The following WWOX variants were observed in gnomAD, a reference collection of about 807,000 sequenced individuals.
WWOX encodes the protein WW domain-containing oxidoreductase.
Under a neutral mutation model 46.2 loss-of-function variants are expected in WWOX, and 69 were observed. The ratio of observed to expected loss-of-function variants is 1.49; its 90% confidence interval spans 1.23 to 1.82. The LOEUF is 1.82. WWOX is among the 40% of genes most tolerant of loss of function. The pLI, the probability that WWOX is intolerant of heterozygous loss-of-function variation, is 0.00. For missense variants in WWOX, 919 were observed against 542.6 expected (o/e 1.69, Z -6.89); for synonymous variants, 359 against 202.6 (o/e 1.77, Z -6.56).
At chr16:78,560,169 T>A (rs1440105476) in intron 8 of WWOX, among the ~76,000 whole-genome samples, 1 of 152,238 alleles carries the variant, frequency 6.6e-6, no homozygotes, top group Non-Finnish European at 1.5e-5. Context: ...TTTCTCCAGC[T>A]AGTAGCTCAG....
At chr16:78,897,269 A>C (rs2044725480) in intron 8 of WWOX, 2 of 137,470 alleles carry the variant, frequency 1.5e-5, no homozygotes, top group African/African-American at 2.7e-5. Flanking sequence ...AAAAAAAACC[A>C]AAAAAACAAA....
rs552713051 is a variant in WWOX, at chr16:78,454,079, T to C, written c.1056+21327T>C. 2.6e-5 allele frequency among the ~76,000 whole-genome samples: 4 copies of C among 152,304 alleles called. No homozygotes were observed. The East Asian group carries it at 5.8e-4, about 22-fold the overall frequency. ...AAATCAGTATTTATTTATTAACTAA[T>C]ACCCAAGAAATTCCCCAGCAAGCCT... On this transcript the variant is annotated intron_variant, in intron 8 of 8. Transcript: ENST00000566780.
At chr16:78,694,976 A>G (rs1468119984) in intron 8 of WWOX, among the ~76,000 whole-genome samples, 5 of 152,206 alleles carry the variant, frequency 3.3e-5, no homozygotes, top group Admixed American at 3.3e-4. Flanking sequence ...TAGAAGCCCC[A>G]GTCTATTCCA....
intron 5 of WWOX, among the ~76,000 whole-genome samples, chr16:78,384,825 C>T (rs1011202349): frequency 6.6e-6 from 1 of 152,172 alleles, no homozygotes; most frequent in Non-Finnish European, 1.5e-5. Context: ...TCATCACTTT[C>T]TACCACCTTT....
intron 8 of WWOX, among the ~76,000 whole-genome samples, chr16:78,816,999 G>A (rs543664045): frequency 6.6e-6 from 1 of 152,008 alleles, no homozygotes; most frequent in East Asian, 1.9e-4. Context: ...AACCAGTCCT[G>A]ACTTGGCTTG....
chr16:79,212,170 C>T lies in WWOX; in HGVS notation c.*374C>T. ...TCCCATCCAGCTACCACCACGGCCA[C>T]CACTGCAGCCGGGGGCTGGCCTTCT... On this transcript the variant is annotated 3_prime_UTR_variant, in exon 9 of 9. Coordinates refer to ENST00000566780, the MANE Select transcript of WWOX (RefSeq NM_016373.4). The T allele has an allele frequency of 2.7e-6, 4 of 1,482,104 alleles. No individual in the cohort carries two copies. The highest frequency in any genetic ancestry group is 3.6e-6 in the Non-Finnish European group (4 of 1,125,278). The allele number at this position is 1,482,104 out of a possible 1,614,324, so 91.8% of individuals were successfully genotyped here.
At chr16:78,837,933 A>T (rs1028283820) in intron 8 of WWOX, among the ~76,000 whole-genome samples, 3 of 152,196 alleles carry the variant, frequency 2.0e-5, no homozygotes, top group African/African-American at 7.2e-5. Context: ...TACCTGCTCA[A>T]GGGCACAGAA....
intron 8 of WWOX, among the ~76,000 whole-genome samples, chr16:78,665,683 A>G (rs377248665): frequency 1.5e-3 from 222 of 152,118 alleles, no homozygotes; most frequent in African/African-American, 5.1e-3. Context: ...GGAAACATTA[A>G]TTGTGCTTCT....
At chr16:78,459,001 C>T (rs1434483681) in intron 8 of WWOX, among the ~76,000 whole-genome samples, 3 of 152,138 alleles carry the variant, frequency 2.0e-5, no homozygotes, top group Admixed American at 2.0e-4. Context: ...GCTAGTTGGT[C>T]CTATTAATTA....
At chr16:78,928,982 A>C (rs2045561801) in intron 8 of WWOX, among the ~76,000 whole-genome samples, 2 of 152,248 alleles carry the variant, frequency 1.3e-5, no homozygotes, top group African/African-American at 2.4e-5. Flanking sequence ...CATGCATATA[A>C]ATGTACATTT....
chr16:78,530,063 A>G (rs1230279896), intron 8 of WWOX, among the ~76,000 whole-genome samples: 1 of 151,908 alleles, frequency 6.6e-6, no homozygotes, highest in African/African-American at 2.4e-5. Flanking sequence ...CCTGCACTCC[A>G]CCCCTTCTGG....
chr16:78,204,886 C>T (rs182506040), intron 5 of WWOX, among the ~76,000 whole-genome samples: 1 of 152,286 alleles, frequency 6.6e-6, no homozygotes, highest in East Asian at 1.9e-4. Flanking sequence ...TAAATTTAGA[C>T]CACCATATTT....
At chr16:78,646,279 G>T (rs9927291) in intron 8 of WWOX, among the ~76,000 whole-genome samples, 2 of 151,954 alleles carry the variant, frequency 1.3e-5, no homozygotes, top group Non-Finnish European at 2.9e-5. Context: ...TTCCCAAAGT[G>T]CTGGGATTAT....
At chr16:78,910,182 G>A (rs1265510938) in intron 8 of WWOX, among the ~76,000 whole-genome samples, 1 of 152,082 alleles carries the variant, frequency 6.6e-6, no homozygotes, top group African/African-American at 2.4e-5. Flanking sequence ...GGCATAGATA[G>A]GTGACTTGCT....
intron 8 of WWOX, among the ~76,000 whole-genome samples, chr16:79,188,839 C>T (rs1271433766): frequency 1.3e-5 from 2 of 152,220 alleles, no homozygotes; most frequent in Non-Finnish European, 2.9e-5. Flanking sequence ...TCTCACCTTG[C>T]ATTTCTGTGG....
At chr16:78,528,565 T>G (rs2043539129) in intron 8 of WWOX, among the ~76,000 whole-genome samples, 2 of 152,138 alleles carry the variant, frequency 1.3e-5, no homozygotes, top group African/African-American at 4.8e-5. Flanking sequence ...AGAGAATGTT[T>G]TTGCTTTGGG....
intron 5 of WWOX, among the ~76,000 whole-genome samples, chr16:78,289,928 T>C (rs943250374): frequency 2.6e-5 from 4 of 152,158 alleles, no homozygotes; most frequent in African/African-American, 9.7e-5. Flanking sequence ...ACTTAAAAAA[T>C]TTTTCTAAGC....
chr16:78,533,911 G>C (rs1597225122), intron 8 of WWOX, among the ~76,000 whole-genome samples: 2 of 152,146 alleles, frequency 1.3e-5, no homozygotes, highest in East Asian at 3.9e-4. Flanking sequence ...CTTGTTAACA[G>C]TTGGCTCCCC....
intron 8 of WWOX, among the ~76,000 whole-genome samples, chr16:78,643,962 C>A (rs1159828935): frequency 2.0e-5 from 3 of 152,168 alleles, no homozygotes; most frequent in Non-Finnish European, 4.4e-5. Flanking sequence ...GTGGCTCACG[C>A]CTGTAATCCC....
Sources: gnomAD v4.1 joint callset for allele counts (sites outside exome capture counted in the v4.1 genomes callset) on GRCh38, gnomAD v4.1.1 for gene constraint, MANE v1.5 for transcripts, NCBI Gene and HGNC (gene_info 2026-07-23, HGNC 2026-07-21) for gene names.